NBEA: variants seen among roughly 807,000 people sequenced by gnomAD.
NBEA encodes neurobeachin.
Under a neutral mutation model 343.4 loss-of-function variants are expected in NBEA, and 44 were observed. The ratio of observed to expected loss-of-function variants is 0.13; its 90% CI spans 0.10 to 0.16. The LOEUF is 0.16. Among genes scored for constraint, NBEA ranks in the 10% least tolerant of loss-of-function variants. The pLI is 1.00. For synonymous variants in NBEA, 1,175 were observed against 1,238.7 expected, an observed-to-expected ratio of 0.95 and a Z score of 1.08; for missense variants, 2,555 against 3,631.3, an observed-to-expected ratio of 0.70 and a Z score of 7.62.
rs549245122 is a variant in NBEA, at chr13:35,337,292, G to T, written c.5904-11816G>T. On this transcript the variant is annotated intron_variant, in intron 36 of 58. Transcript: ENST00000379939. Reference sequence around the variant, plus strand: ...GGAAACAGATTAATAGACACAAACAGGCTGACAGAAAAATGATTTTAAAAC... The same window carrying T: ...GGAAACAGATTAATAGACACAAACATGCTGACAGAAAAATGATTTTAAAAC... 5.1e-4 allele frequency among the ~76,000 whole-genome samples: 78 copies of T among 152,044 alleles called. No individual in the cohort carries two copies. The South Asian group carries it at 0.012, about 24-fold the overall frequency.
At chr13:34,956,229 A>G (rs1409018621) in intron 1 of NBEA, among the ~76,000 whole-genome samples, 1 of 152,184 alleles carries the variant, frequency 6.6e-6, no homozygotes, top group African/African-American at 2.4e-5. Context: ...ACATTTTAAC[A>G]TTTGGCATTT....
At chr13:35,558,901 C>A (rs559995206) in intron 44 of NBEA, among the ~76,000 whole-genome samples, 1 of 152,216 alleles carries the variant, frequency 6.6e-6, no homozygotes, top group South Asian at 2.1e-4. Context: ...TCGAGGAAAC[C>A]TTGGAAAAGA....
At chr13:35,643,103 A>G (rs1319970519) in intron 49 of NBEA, among the ~76,000 whole-genome samples, 2 of 149,992 alleles carry the variant, frequency 1.3e-5, no homozygotes, top group Non-Finnish European at 3.0e-5. Context: ...TTTTTTTTTT[A>G]ACTTGATATA....
At chr13:35,261,986 CA>C (rs909509583) in intron 34 of NBEA, among the ~76,000 whole-genome samples, 1 of 152,140 alleles carries the variant, frequency 6.6e-6, no homozygotes, top group African/African-American at 2.4e-5. Flanking sequence ...TAGCAAGAGA[CA>C]AATAGCTAGT....
intron 34 of NBEA, among the ~76,000 whole-genome samples, chr13:35,238,358 A>G (rs958685156): frequency 6.6e-6 from 1 of 151,912 alleles, no homozygotes; most frequent in African/African-American, 2.4e-5. Flanking sequence ...AACAAAGACT[A>G]CTCCCTTTGA....
chr13:35,083,737 G>A (rs1167788418), intron 10 of NBEA, among the ~76,000 whole-genome samples: 1 of 152,030 alleles, frequency 6.6e-6, no homozygotes, highest in Admixed American at 6.6e-5. Flanking sequence ...CATAATGACA[G>A]GATCAAATTG....
chr13:35,601,756 C>A (rs2082055928), intron 47 of NBEA, among the ~76,000 whole-genome samples: 1 of 86,552 alleles, frequency 1.2e-5, no homozygotes, highest in Non-Finnish European at 2.0e-5. Context: ...AGCAGGACTC[C>A]ATCGCAAAAA....
chr13:35,606,345 G>C, intron 47 of NBEA, 81 bp from the exon 48 acceptor site: 2 of 698,736 alleles, frequency 2.9e-6, no homozygotes, highest in Admixed American at 8.4e-5. Flanking sequence ...TCCATTTATA[G>C]TTAATAAGTT....
intron 38 of NBEA, among the ~76,000 whole-genome samples, chr13:35,354,211 T>A (rs2040365288): frequency 6.6e-6 from 1 of 152,168 alleles, no homozygotes; most frequent in Non-Finnish European, 1.5e-5. Context: ...TGAAACACAC[T>A]AACAATAACC....
chr13:35,123,478 G>T lies in NBEA; in HGVS notation c.2244-4G>T, dbSNP rs746953597. 9 of 1,473,312 alleles carry T rather than the reference G, an allele frequency of 6.1e-6. No individual in the cohort carries two copies. In the South Asian group the frequency reaches 7.2e-5, roughly 12 times the overall value. The allele number at this position is 1,473,312 out of a possible 1,614,324, so 91.3% of individuals were successfully genotyped here. ...TTTTAAAAGATAATTTATATATTTTGTAGGGTGATCTACAAATTATTGGCT... is the reference window on the plus strand; with the variant it reads ...TTTTAAAAGATAATTTATATATTTTTTAGGGTGATCTACAAATTATTGGCT... On this transcript the variant is annotated splice_region_variant and splice_polypyrimidine_tract_variant and intron_variant, in intron 16 of 58. Transcript: ENST00000379939.
chr13:35,092,530 A>G (rs570158642), intron 10 of NBEA, among the ~76,000 whole-genome samples: 69 of 152,150 alleles, frequency 4.5e-4, no homozygotes, highest in African/African-American at 1.5e-3. Flanking sequence ...TAAGACTACA[A>G]TTCAGTTTTT....
intron 10 of NBEA, among the ~76,000 whole-genome samples, chr13:35,086,728 C>T (rs1458812588): frequency 6.6e-6 from 1 of 151,880 alleles, no homozygotes; most frequent in Non-Finnish European, 1.5e-5. Flanking sequence ...TTTGAAACAT[C>T]TCCACACTCT....
chr13:35,049,460 A>C (rs1349267922), intron 5 of NBEA, among the ~76,000 whole-genome samples: 1 of 151,840 alleles, frequency 6.6e-6, no homozygotes, highest in East Asian at 1.9e-4. Flanking sequence ...TTAATGAGAG[A>C]ATCATATTTA....
chr13:35,581,619 A>G (rs987361293), intron 45 of NBEA, among the ~76,000 whole-genome samples: 17 of 151,602 alleles, frequency 1.1e-4, no homozygotes, highest in Non-Finnish European at 2.4e-4. Flanking sequence ...CATTCTCAGT[A>G]AACTATCGCA....
intron 34 of NBEA, among the ~76,000 whole-genome samples, chr13:35,245,280 G>C (rs1316501572): frequency 1.3e-5 from 2 of 152,102 alleles, no homozygotes; most frequent in Non-Finnish European, 2.9e-5. Context: ...GGAGCATTTA[G>C]ACCATTTACA....
chr13:35,103,116 G>T (rs1477057048), intron 11 of NBEA, among the ~76,000 whole-genome samples: 1 of 151,720 alleles, frequency 6.6e-6, no homozygotes, highest in Non-Finnish European at 1.5e-5. Context: ...TGTAGTACTT[G>T]AGATGATTAA....
intron 33 of NBEA, among the ~76,000 whole-genome samples, chr13:35,227,025 T>A (rs2074692230): frequency 1.3e-5 from 2 of 152,164 alleles, no homozygotes; most frequent in Non-Finnish European, 2.9e-5. Flanking sequence ...TCTATAGCTT[T>A]ATCTACTTTT....
intron 31 of NBEA, among the ~76,000 whole-genome samples, chr13:35,205,473 G>A (rs981563567): frequency 6.6e-6 from 1 of 152,026 alleles, no homozygotes; most frequent in Admixed American, 6.6e-5. Context: ...TAAAAATGCT[G>A]TAACTTTTTC....
At chr13:35,431,433 A>G (rs1442974030) in intron 38 of NBEA, among the ~76,000 whole-genome samples, 1 of 152,166 alleles carries the variant, frequency 6.6e-6, no homozygotes, top group East Asian at 1.9e-4. Flanking sequence ...AAATAAATTG[A>G]AAACAAAAAT....
Sources: allele counts gnomAD v4.1 joint callset (sites outside exome capture counted in the v4.1 genomes callset), GRCh38; gene constraint gnomAD v4.1.1; transcripts MANE v1.5; gene names NCBI Gene and HGNC (gene_info 2026-07-23, HGNC 2026-07-21).